Variants in PPP2R3A observed in about 807,000 individuals in gnomAD.
The protein encoded by PPP2R3A is protein phosphatase 2 regulatory subunit B''alpha, also known as serine/threonine-protein phosphatase 2A regulatory subunit B'' subunit alpha.
PPP2R3A carries 80 observed loss-of-function variants against 106.9 expected under a neutral mutation model. The ratio of observed to expected loss-of-function variants is 0.75; its 90% CI spans 0.62 to 0.90. The LOEUF is 0.90. Among genes scored for constraint, PPP2R3A ranks in the 40% least tolerant of loss-of-function variants. The probability of loss-of-function intolerance (pLI) is 0.00; values close to 1 mark genes in which losing one functional copy is unlikely to be tolerated. For synonymous variants in PPP2R3A, 483 were observed against 468.3 expected (o/e 1.03, Z -0.41); for missense variants, 1,386 against 1,350.4 (o/e 1.03, Z -0.41).
chr3:136,061,880 T>C (rs9758578), intron 5 of PPP2R3A, among the ~76,000 whole-genome samples: 2 of 142,418 alleles, frequency 1.4e-5, no homozygotes, highest in South Asian at 2.3e-4. Flanking sequence ...TGAGCCGAGA[T>C]CACGCCACTG....
chr3:135,972,349 C>T (rs1236960630), intron 1 of PPP2R3A, among the ~76,000 whole-genome samples: 1 of 152,204 alleles, frequency 6.6e-6, no homozygotes, highest in Non-Finnish European at 1.5e-5. Flanking sequence ...TATGGATATA[C>T]TACGTTTTGT....
At chr3:136,101,091 C>T (rs187342998) in intron 10 of PPP2R3A, among the ~76,000 whole-genome samples, 2 of 152,180 alleles carry the variant, frequency 1.3e-5, no homozygotes, top group East Asian at 1.9e-4. Context: ...TGAAACTGAG[C>T]GAGGCCTAGA....
chr3:136,093,562 T>TAGAA lies in PPP2R3A; in HGVS notation c.2927+2898_2927+2899insAAGA, dbSNP rs111306190. ...ATAAACAACACTTACAACTCAATAA[T>TAGAA]AGACTGACCAGTTTAAAAAATGGAC... is the stretch of plus-strand genomic sequence containing the variant. On this transcript the variant is annotated intron_variant, in intron 10 of 13. Coordinates refer to ENST00000264977, the MANE Select transcript of PPP2R3A (RefSeq NM_002718.5). Among the ~76,000 whole-genome samples, 1,175 of 152,264 alleles carry TAGAA rather than the reference T, an allele frequency of 7.7e-3. 21 individuals are homozygous for TAGAA. The highest frequency in any genetic ancestry group is 0.026 in the African/African-American group (1,066 of 41,540).
intron 2 of PPP2R3A, among the ~76,000 whole-genome samples, chr3:136,021,607 TA>T (rs1576440187): frequency 6.6e-6 from 1 of 152,142 alleles, no homozygotes; most frequent in African/African-American, 2.4e-5. Context: ...GGTTGTAAGC[TA>T]TTTTTTTGTT....
At chr3:136,054,253 C>CTTTTTTTTTTTTTTTTTTTTTTTTTTTT (rs35801926) in intron 5 of PPP2R3A, among the ~76,000 whole-genome samples, 1 of 80,728 alleles carries the variant, frequency 1.2e-5, no homozygotes, top group African/African-American at 5.7e-5. Context: ...CTTCACAATT[C>CTTTTTTTTTTTTTTTTTTTTTTTTTTTT]TTTTTTTTTT....
intron 13 of PPP2R3A, among the ~76,000 whole-genome samples, chr3:136,117,989 C>A (rs1352464878): frequency 6.6e-6 from 1 of 152,162 alleles, no homozygotes; most frequent in Non-Finnish European, 1.5e-5. Flanking sequence ...AAAATACTGG[C>A]AAACTGAATC....
At chr3:136,117,487 CTAA>C (rs747040303) in intron 13 of PPP2R3A, among the ~76,000 whole-genome samples, 10 of 151,748 alleles carry the variant, frequency 6.6e-5, no homozygotes. Flanking sequence ...TCTAGCCAGA[CTAA>C]TAAAGAAGAA....
In PPP2R3A at chr3:136,070,476, A is replaced by T; in HGVS notation, c.2470-2A>T. 2 of 1,592,126 alleles carry T rather than the reference A, an allele frequency of 1.3e-6. No homozygotes were observed. The highest frequency in any genetic ancestry group is 1.7e-6 in the Non-Finnish European group (2 of 1,172,698). The stretch of plus-strand genomic sequence containing the variant: ...TTTAGTTTTGGTTTTGATCTTTTTC[A>T]GGATGTGGTGGATACCCACCCTGGT... On this transcript the variant is annotated splice_acceptor_variant, in intron 5 of 13. Transcript: ENST00000264977. LOFTEE classifies it high-confidence loss of function.
At chr3:136,131,360 A>G (rs1057361393) in intron 13 of PPP2R3A, among the ~76,000 whole-genome samples, 1 of 152,258 alleles carries the variant, frequency 6.6e-6, no homozygotes, top group Non-Finnish European at 1.5e-5. Flanking sequence ...AAGGATATGA[A>G]CAGACACTTC....
intron 4 of PPP2R3A, among the ~76,000 whole-genome samples, chr3:136,041,238 GTT>G (rs67116006): frequency 1.1e-5 from 1 of 92,936 alleles, no homozygotes; most frequent in Non-Finnish European, 2.1e-5. Context: ...GGTTTTTCTT[GTT>G]TTTTTTTTTG....
At chr3:136,000,386 A>G (rs1933574627) in intron 1 of PPP2R3A, among the ~76,000 whole-genome samples, 1 of 152,208 alleles carries the variant, frequency 6.6e-6, no homozygotes, top group Admixed American at 6.5e-5. Flanking sequence ...ATATTTTAAA[A>G]GCTGTTCTTT....
chr3:135,991,020 A>C (rs1363489604), intron 1 of PPP2R3A, among the ~76,000 whole-genome samples: 6 of 151,864 alleles, frequency 4.0e-5, no homozygotes, highest in Admixed American at 1.3e-4. Flanking sequence ...CACACATCCC[A>C]TGCTGCTTTC....
Position 136,037,772 on chromosome 3 carries a change from A to T in PPP2R3A, c.2263-3087A>T, listed in dbSNP as rs548566991. Among the ~76,000 whole-genome samples the T allele has an allele frequency of 8.5e-5, 13 of 152,180 alleles. 1 individual carries two copies. The highest frequency in any genetic ancestry group is 2.9e-4 in the African/African-American group (12 of 41,490). On this transcript the variant is annotated intron_variant, in intron 3 of 13. Coordinates refer to ENST00000264977, the MANE Select transcript of PPP2R3A (RefSeq NM_002718.5). ...TCATTAGACAACCTTGCTTTGGATT[A>T]TTTGTTTTGTTGGCCATTCTTAGAT...
In PPP2R3A at chr3:136,003,121, T is replaced by C. The variant is rs1251321485; in HGVS notation, c.1623T>C (p.Asn541=). Reference sequence around the variant, plus strand: ...AGGGTAAAAACTCTAATTTTTTAAATAGTCACAGTCAGTTGACCGGTCAGA... The same window carrying C: ...AGGGTAAAAACTCTAATTTTTTAAACAGTCACAGTCAGTTGACCGGTCAGA... The part of the protein sequence containing the change: ...LAKGKNSNFL[N]SHSQLTGQTL... Residue 541 remains asparagine, a synonymous_variant, in exon 2 of 14, where the codon AAT becomes AAC. Coordinates refer to ENST00000264977, the MANE Select transcript of PPP2R3A (RefSeq NM_002718.5). 6.2e-7 allele frequency: 1 copy of C among 1,611,452 alleles called. No homozygotes were observed. The highest frequency in any genetic ancestry group is 1.7e-5 in the Admixed American group (1 of 59,404).
In PPP2R3A at chr3:136,008,359, T is replaced by G. The variant is rs1379363023; in HGVS notation, c.1995+4866T>G. 4.6e-5 allele frequency among the ~76,000 whole-genome samples: 7 copies of G among 152,150 alleles called. No homozygotes were observed. The East Asian group carries it at 1.4e-3, about 29-fold the overall frequency. On this transcript the variant is annotated intron_variant, in intron 2 of 13. Transcript: ENST00000264977. ...AATACAATAGGAAACCATTCTCTCCTCCTCTCAATTGCCACCAAGCAGATT... is the reference window on the plus strand; with the variant it reads ...AATACAATAGGAAACCATTCTCTCCGCCTCTCAATTGCCACCAAGCAGATT...
intron 1 of PPP2R3A, among the ~76,000 whole-genome samples, chr3:135,988,079 A>G (rs1932997463): frequency 1.3e-5 from 2 of 152,156 alleles, no homozygotes; most frequent in African/African-American, 4.8e-5. Context: ...CTCTGGACAC[A>G]TGTACCTGAA....
intron 3 of PPP2R3A, among the ~76,000 whole-genome samples, chr3:136,027,470 G>C (rs1934711394): frequency 6.6e-6 from 1 of 152,094 alleles, no homozygotes; most frequent in Admixed American, 6.6e-5. Flanking sequence ...CCTAATGCCA[G>C]ACAAGGAAGC....
intron 1 of PPP2R3A, among the ~76,000 whole-genome samples, chr3:135,985,441 T>A (rs1937600750): frequency 6.7e-6 from 1 of 149,514 alleles, no homozygotes; most frequent in Non-Finnish European, 1.5e-5. Flanking sequence ...TCCCTCTCTC[T>A]CACACACACA....
At chr3:136,074,722 C>T (rs922540307) in intron 6 of PPP2R3A, among the ~76,000 whole-genome samples, 1 of 152,142 alleles carries the variant, frequency 6.6e-6, no homozygotes, top group African/African-American at 2.4e-5. Flanking sequence ...GGCCAGAATC[C>T]ACCACTGTAG....
Sources: gnomAD v4.1 joint callset for allele counts (sites outside exome capture counted in the v4.1 genomes callset) on GRCh38, gnomAD v4.1.1 for gene constraint, MANE v1.5 for transcripts, NCBI Gene and HGNC (gene_info 2026-07-23, HGNC 2026-07-21) for gene names.